COL4A2: variants seen among roughly 807,000 people sequenced by gnomAD.
The protein encoded by COL4A2 is collagen alpha-2(IV) chain.
In COL4A2, 99 loss-of-function variants were observed where a neutral mutation model predicts 200.2. The ratio of observed to expected loss-of-function variants is 0.49; its 90% CI spans 0.42 to 0.58. The LOEUF is 0.58. Ranked by LOEUF, COL4A2 falls within the 20% of genes least tolerant of loss-of-function variation. The pLI is 0.00. For missense variants in COL4A2, 1,950 were observed against 2,314.1 expected, an observed-to-expected ratio of 0.84 and a Z score of 3.23; for synonymous variants, 897 against 900.6, an observed-to-expected ratio of 1.00 and a Z score of 0.07.
chr13:110,359,092 AT>A (rs1877410185), intron 4 of COL4A2, among the ~76,000 whole-genome samples: 1 of 152,208 alleles, frequency 6.6e-6, no homozygotes, highest in Non-Finnish European at 1.5e-5. Flanking sequence ...CAGTTGTATC[AT>A]TGCTAACAAT....
chr13:110,457,739 A>G (rs1220385626), intron 21 of COL4A2: 1 of 537,448 alleles, frequency 1.9e-6, no homozygotes, highest in Non-Finnish European at 3.7e-6. Context: ...AAGGGAAAAC[A>G]GTTATTTCTT....
chr13:110,394,213 A>G (rs1879103738), intron 4 of COL4A2, among the ~76,000 whole-genome samples: 1 of 152,230 alleles, frequency 6.6e-6, no homozygotes, highest in Non-Finnish European at 1.5e-5. Flanking sequence ...ACATTGATGT[A>G]GTGCTTACTT....
At chr13:110,418,374 T>C (rs1050766549) in intron 4 of COL4A2, among the ~76,000 whole-genome samples, 1 of 152,248 alleles carries the variant, frequency 6.6e-6, no homozygotes, top group African/African-American at 2.4e-5. Flanking sequence ...TAAATCTAGC[T>C]AACTTTTTCT....
At position 110,507,883 on chromosome 13, in the gene COL4A2, G is replaced by A. The variant is rs1486399831; in HGVS notation, c.4595-52G>A. ...TCCTGGGCCTGGCTGGGGCTGGCAG[G>A]TGCGTCTTCTAGCCACACTGCACTG... On this transcript the variant is annotated intron_variant, in intron 46 of 47. Transcript: ENST00000360467. The A allele has an allele frequency of 1.9e-6, 3 of 1,573,134 alleles. 1 individual carries two copies. The highest frequency in any genetic ancestry group is 4.1e-4 in the Middle Eastern group (2 of 4,914).
chr13:110,309,566 C>G (rs1206197189), intron 3 of COL4A2, among the ~76,000 whole-genome samples: 1 of 152,222 alleles, frequency 6.6e-6, no homozygotes, highest in South Asian at 2.1e-4. Context: ...ACCTGCACCC[C>G]TTTGTCCCTT....
intron 3 of COL4A2, among the ~76,000 whole-genome samples, chr13:110,329,657 T>C (rs1172076859): frequency 6.6e-6 from 1 of 152,200 alleles, no homozygotes. Context: ...GGCCTCTGGT[T>C]TGTGAAGAGC....
intron 3 of COL4A2, among the ~76,000 whole-genome samples, chr13:110,346,561 T>G (rs1292587030): frequency 1.3e-5 from 2 of 152,080 alleles, no homozygotes; most frequent in Non-Finnish European, 2.9e-5. Flanking sequence ...CACCCTCCAG[T>G]GCTCCGAGAT....
At chr13:110,373,383 A>G (rs144397703) in intron 4 of COL4A2, among the ~76,000 whole-genome samples, 1 of 152,358 alleles carries the variant, frequency 6.6e-6, no homozygotes, top group East Asian at 1.9e-4. Flanking sequence ...TCTTGCCTTC[A>G]GAGGGCATCT....
At chr13:110,481,712 A>G (rs375511060) in intron 31 of COL4A2, among the ~76,000 whole-genome samples, 240 of 5,490 alleles carry the variant, frequency 0.044, 18 homozygotes, top group Non-Finnish European at 0.089. Flanking sequence ...CTGTCCTTCC[A>G]TTGCTGGAGA....
chr13:110,450,292 T>A lies in COL4A2; in HGVS notation c.1190-13T>A. On this transcript the variant is annotated splice_polypyrimidine_tract_variant and intron_variant, in intron 19 of 47. Transcript: ENST00000360467. ...GGAGACTCACGCTGCAGGTGAATGC[T>A]GTTTGGTTTCAGATCAGAGGAGAGG... The A allele has an allele frequency of 3.7e-6, 6 of 1,611,704 alleles. No homozygotes were observed. The highest frequency in any genetic ancestry group is 5.1e-6 in the Non-Finnish European group (6 of 1,178,106).
chr13:110,322,315 T>C (rs1885296725), intron 3 of COL4A2, among the ~76,000 whole-genome samples: 1 of 152,132 alleles, frequency 6.6e-6, no homozygotes, highest in Non-Finnish European at 1.5e-5. Flanking sequence ...CCGAAGGAGG[T>C]TGGCTTGGGC....
intron 28 of COL4A2, among the ~76,000 whole-genome samples, chr13:110,469,876 G>C (rs1193578564): frequency 6.7e-6 from 1 of 150,042 alleles, no homozygotes; most frequent in African/African-American, 2.5e-5. Flanking sequence ...GAGTGTGATG[G>C]CACTGCCTTG....
At chr13:110,385,491 G>GCCGTGGTTACAGTGTGTGGATGGA (rs1566504954) in intron 4 of COL4A2, among the ~76,000 whole-genome samples, 19 of 57,402 alleles carry the variant, frequency 3.3e-4, no homozygotes, top group Non-Finnish European at 5.6e-4. Context: ...GTGTGGATAG[G>GCCGTGGTTACAGTGTGTGGATGGA]CCGTGGTTAC....
Position 110,466,730 on chromosome 13 carries a change from A to G in COL4A2, c.2039-310A>G, listed in dbSNP as rs3803234. 0.59 allele frequency among the ~76,000 whole-genome samples: 90,291 copies of G among 152,102 alleles called. 27,661 individuals are homozygous for G. Among genetic ancestry groups the G allele is most frequent in the Middle Eastern group, 0.73 (214 of 294 alleles). On this transcript the variant is annotated intron_variant, in intron 26 of 47. Coordinates refer to ENST00000360467, the MANE Select transcript of COL4A2 (RefSeq NM_001846.4). ...CACACTGACTTGCAGGGTAGCAGCCAGATTAACTCGGTTTGCACCCAGGCT... is the reference window on the plus strand; with the variant it reads ...CACACTGACTTGCAGGGTAGCAGCCGGATTAACTCGGTTTGCACCCAGGCT...
Position 110,485,640 on chromosome 13 carries a change from A to G in COL4A2, c.3026-15A>G. 2 of 1,586,128 alleles carry G rather than the reference A, an allele frequency of 1.3e-6. No homozygotes were observed. The highest frequency in any genetic ancestry group is 1.1e-5 in the South Asian group (1 of 88,290). On this transcript the variant is annotated splice_polypyrimidine_tract_variant and intron_variant, in intron 33 of 47. Transcript: ENST00000360467. ...CGTCCTCACCAGAGTGTTACACACCAGGGTCTTCCTGCAGGTATCCAAGGA... is the reference window on the plus strand; with the variant it reads ...CGTCCTCACCAGAGTGTTACACACCGGGGTCTTCCTGCAGGTATCCAAGGA...
intron 3 of COL4A2, among the ~76,000 whole-genome samples, chr13:110,345,246 G>A (rs1020578832): frequency 1.3e-5 from 2 of 152,172 alleles, no homozygotes; most frequent in African/African-American, 2.4e-5. Context: ...AGTTCTTTGC[G>A]AGGATGGAAC....
In COL4A2 at chr13:110,307,889, G is replaced by C. The variant is rs1323323756; in HGVS notation, c.-15G>C. On this transcript the variant is annotated 5_prime_UTR_variant, in exon 2 of 48. Coordinates refer to ENST00000360467, the MANE Select transcript of COL4A2 (RefSeq NM_001846.4). The surrounding 1 kb of genome is among the most constrained non-coding windows in gnomAD (Gnocchi z 5.0). ...AGTGGGACTGACCGGGGCCCAGAGTGGACGAACCGCCAGCATGGGGAGAGA... is the reference window on the plus strand; with the variant it reads ...AGTGGGACTGACCGGGGCCCAGAGTCGACGAACCGCCAGCATGGGGAGAGA... 1.2e-6 allele frequency: 2 copies of C among 1,611,264 alleles called. No individual in the cohort carries two copies. The highest frequency in any genetic ancestry group is 4.5e-5 in the East Asian group (2 of 44,826).
At position 110,503,363 on chromosome 13, in the gene COL4A2, A is replaced by G; in HGVS notation, c.4040-20A>G. On this transcript the variant is annotated intron_variant, in intron 42 of 47. Transcript: ENST00000360467. ...CTCCCCACAGACTTTCGTGTCCCTA[A>G]CGTCTTGTTTGTGTTGCAGGGCCCA... The G allele has an allele frequency of 6.3e-7, 1 of 1,594,244 alleles. No individual in the cohort carries two copies. Among genetic ancestry groups the G allele is most frequent in the East Asian group, 2.3e-5 (1 of 44,436 alleles).
chr13:110,408,804 CATATAT>C (rs66769739), intron 4 of COL4A2, among the ~76,000 whole-genome samples: 5 of 122,338 alleles, frequency 4.1e-5, no homozygotes, highest in Admixed American at 2.4e-4. Context: ...CACACGCACA[CATATAT>C]ATACACACAC....
Sources: allele counts gnomAD v4.1 joint callset (sites outside exome capture counted in the v4.1 genomes callset), GRCh38; gene constraint gnomAD v4.1.1; non-coding constraint Gnocchi (gnomAD v3.1); transcripts MANE v1.5; gene names NCBI Gene and HGNC (gene_info 2026-07-23, HGNC 2026-07-21).